OTC: variants seen among roughly 807,000 people sequenced by gnomAD.
The protein encoded by OTC is ornithine transcarbamylase, mitochondrial.
Under a neutral mutation model 30.3 loss-of-function variants are expected in OTC, and 3 were observed. The ratio of observed to expected loss-of-function variants is 0.10; its 90% CI spans 0.05 to 0.26. The LOEUF is 0.26. Ranked by LOEUF, OTC falls within the 10% of genes least tolerant of loss-of-function variation. The probability of loss-of-function intolerance (pLI) is 1.00; values close to 1 mark genes in which losing one functional copy is unlikely to be tolerated. For missense variants in OTC, 194 were observed against 260.3 expected (o/e 0.75, Z 1.75); for synonymous variants, 111 against 99.7 (o/e 1.11, Z -0.67).
At chrX:38,332,504 T>TTATATATATATATAGATATATATATA in the OTC span, among the ~76,000 whole-genome samples, 1 of 39,381 alleles carries the variant, frequency 2.5e-5, no homozygotes, top group Non-Finnish European at 4.7e-5. Flanking sequence ...GCCCTAGATT[T>TTATATATATATATAGATATATATATA]TATATATATA....
the OTC span, among the ~76,000 whole-genome samples, chrX:38,346,553 A>G: frequency 8.9e-6 from 1 of 112,459 alleles, no homozygotes; most frequent in Admixed American, 9.5e-5. Context: ...AAACAACTCA[A>G]TTGTCCTTTA....
At chrX:38,370,748 T>G (rs1214296669) in intron 3 of OTC, among the ~76,000 whole-genome samples, 2 of 111,119 alleles carry the variant, frequency 1.8e-5, no homozygotes, top group East Asian at 2.8e-4. Flanking sequence ...TTCCTTTTTT[T>G]TCTTTTCACC....
At chrX:38,329,765 T>C in the OTC span, among the ~76,000 whole-genome samples, 2 of 111,767 alleles carry the variant, frequency 1.8e-5, no homozygotes, top group Non-Finnish European at 3.8e-5. Context: ...CTTCAGCCTC[T>C]GATTGGTTGC....
chrX:38,345,626 C>T, the OTC span, among the ~76,000 whole-genome samples: 2 of 109,759 alleles, frequency 1.8e-5, no homozygotes, highest in Middle Eastern at 4.7e-3. Flanking sequence ...CTGCAACCTC[C>T]GCCTCCTGGG....
chrX:38,417,624 G>A (rs189763065), intron 9 of OTC, among the ~76,000 whole-genome samples: 4 of 111,706 alleles, frequency 3.6e-5, no homozygotes, highest in East Asian at 2.8e-4. Context: ...ACTCAGCACC[G>A]GGCCTGGCAT....
chrX:38,341,327 A>G, the OTC span, among the ~76,000 whole-genome samples: 1 of 111,258 alleles, frequency 9.0e-6, no homozygotes, highest in Admixed American at 9.6e-5. Flanking sequence ...TGTGAACAAC[A>G]TATACATTGG....
chrX:38,354,982 G>A (rs2068233068), intron 1 of OTC, among the ~76,000 whole-genome samples: 1 of 110,296 alleles, frequency 9.1e-6, no homozygotes, highest in Non-Finnish European at 1.9e-5. Flanking sequence ...AGGGATTCGA[G>A]TTATTTTTTT....
the OTC span, among the ~76,000 whole-genome samples, chrX:38,342,869 T>C: frequency 8.9e-6 from 1 of 111,986 alleles, no homozygotes. Flanking sequence ...ACAGAGTTGT[T>C]ACCAGTGGAG....
At chrX:38,347,793 C>T (rs940425140), upstream of OTC, among the ~76,000 whole-genome samples, 20 of 111,503 alleles carry the variant, frequency 1.8e-4, no homozygotes, top group Admixed American at 3.8e-4. Context: ...CTGAGGGTAC[C>T]GAATGACTTA....
At chrX:38,417,275 G>A (rs761377399) in intron 9 of OTC, among the ~76,000 whole-genome samples, 1 of 111,751 alleles carries the variant, frequency 8.9e-6, no homozygotes, top group Non-Finnish European at 1.9e-5. Context: ...ATTGGTTTTA[G>A]AACATAAGTT....
At chrX:38,407,771 C>A (rs762936348) in intron 6 of OTC, among the ~76,000 whole-genome samples, 37 of 111,918 alleles carry the variant, frequency 3.3e-4, no homozygotes, top group African/African-American at 1.2e-3. Context: ...AGGTGGGGAG[C>A]CTTGATGCTC....
the OTC span, among the ~76,000 whole-genome samples, chrX:38,347,182 A>C: frequency 8.9e-6 from 1 of 112,026 alleles, no homozygotes; most frequent in African/African-American, 3.3e-5. Flanking sequence ...GTTAGCATGC[A>C]TTTGATTGCA....
At chrX:38,400,859 C>A (rs957930457) in intron 4 of OTC, among the ~76,000 whole-genome samples, 1 of 112,796 alleles carries the variant, frequency 8.9e-6, no homozygotes, top group Non-Finnish European at 1.9e-5. Flanking sequence ...GGCTGCCACA[C>A]TGGGACTTGC....
the OTC span, among the ~76,000 whole-genome samples, chrX:38,336,450 T>C: frequency 9.3e-6 from 1 of 107,697 alleles, no homozygotes; most frequent in East Asian, 2.9e-4. Flanking sequence ...TCAAATCAGC[T>C]TTCATACATA....
intron 1 of OTC, among the ~76,000 whole-genome samples, chrX:38,355,295 T>A (rs891486435): frequency 9.0e-6 from 1 of 111,623 alleles, no homozygotes; most frequent in Admixed American, 9.5e-5. Flanking sequence ...GCTTTCCATG[T>A]CATAAACAAG....
At chrX:38,356,817 T>A (rs2068244384) in intron 1 of OTC, among the ~76,000 whole-genome samples, 1 of 111,846 alleles carries the variant, frequency 8.9e-6, no homozygotes, top group African/African-American at 3.3e-5. Context: ...ATAATTTATA[T>A]CACATATGGG....
At chrX:38,367,524 T>A in intron 2 of OTC, 95 bp downstream of exon 2, 1 of 759,431 alleles carries the variant, frequency 1.3e-6, no homozygotes, top group Non-Finnish European at 2.0e-6. Context: ...TACATTAAAA[T>A]TCTTAAACAG....
chrX:38,352,903 C>T, intron 1 of OTC, 130 bp downstream of exon 1: 1 of 530,329 alleles, frequency 1.9e-6, no homozygotes, highest in Non-Finnish European at 3.3e-6. Context: ...GAGACAGCTG[C>T]CTCTAATTCC....
At chrX:38,351,371 C>T (rs747305411), upstream of OTC, among the ~76,000 whole-genome samples, 8 of 111,892 alleles carry the variant, frequency 7.1e-5, no homozygotes, top group Non-Finnish European at 1.5e-4. Flanking sequence ...AGCCCTACCC[C>T]TGCCCCTCCT....
Sources: allele counts gnomAD v4.1 joint callset (sites outside exome capture counted in the v4.1 genomes callset), GRCh38; gene constraint gnomAD v4.1.1; transcripts MANE v1.5; gene names NCBI Gene and HGNC (gene_info 2026-07-23, HGNC 2026-07-21).